NFIX: variants seen among roughly 807,000 people sequenced by gnomAD.
NFIX encodes nuclear factor I X.
In NFIX, 2 loss-of-function variants were observed where a neutral mutation model predicts 53.3. That is an observed-to-expected ratio of 0.04 (90% CI 0.02 to 0.12). The LOEUF (loss-of-function observed/expected upper bound fraction) is 0.12, where lower values mean the gene tolerates loss of function less well. Among genes scored for constraint, NFIX ranks in the 10% least tolerant of loss-of-function variants. The pLI, the probability that NFIX is intolerant of heterozygous loss-of-function variation, is 1.00. For synonymous variants in NFIX, 244 were observed against 289.0 expected (o/e 0.84, Z 1.58); for missense variants, 310 against 674.5 (o/e 0.46, Z 5.99).
At position 13,093,490 on chromosome 19, in the gene NFIX, C is replaced by T. The variant is rs1267708843; in HGVS notation, c.1495-1145C>T. ...CTGGCCACCACAGACCCTGCTTCCT[C>T]GTGCTCGCAGCACAGGCAGCAGTTA... On this transcript the variant is annotated intron_variant, in intron 10 of 10. Transcript: ENST00000592199. The surrounding 1 kb of genome is among the most constrained non-coding windows in gnomAD (Gnocchi z 4.7). 6.6e-6 allele frequency among the ~76,000 whole-genome samples: 1 copy of T among 152,224 alleles called. No individual in the cohort carries two copies. Among genetic ancestry groups the T allele is most frequent in the Non-Finnish European group, 1.5e-5 (1 of 68,036 alleles).
intron 8 of NFIX, among the ~76,000 whole-genome samples, chr19:13,084,190 C>G (rs1454008525): frequency 6.6e-6 from 1 of 152,172 alleles, no homozygotes; most frequent in Non-Finnish European, 1.5e-5. Flanking sequence ...ACCTGTAATC[C>G]TAGCACTTTG....
At position 13,021,323 on chromosome 19, in the gene NFIX, C is replaced by G. The variant is rs1390727939; in HGVS notation, c.28-3698C>G. Among the ~76,000 whole-genome samples the G allele has an allele frequency of 6.6e-6, 1 of 152,164 alleles. No homozygotes were observed. Among genetic ancestry groups the G allele is most frequent in the Non-Finnish European group, 1.5e-5 (1 of 68,016 alleles). On this transcript the variant is annotated intron_variant, in intron 1 of 10. Transcript: ENST00000592199. This position sits in a 1 kb window ranked among gnomAD's most constrained non-coding sequence, Gnocchi z 4.2. The stretch of plus-strand genomic sequence containing the variant: ...GTTTCTTTCAGGGATCAGCCATGAG[C>G]TCAGTTCACTTGAGATGGATAATTC...
At chr19:13,063,036 T>C (rs75460821) in intron 2 of NFIX, among the ~76,000 whole-genome samples, 10,181 of 152,060 alleles carry the variant, frequency 0.067, 448 homozygotes, top group Non-Finnish European at 0.11. Flanking sequence ...AAGGGAACAG[T>C]GGAGGGAGGC....
chr19:13,023,958 G>A (rs1416402955), intron 1 of NFIX: 15 of 211,658 alleles, frequency 7.1e-5, no homozygotes, highest in Admixed American at 1.2e-4. Context: ...CCCCCCACCC[G>A]CCCCCAACTC....
At position 12,996,142 on chromosome 19, in the gene NFIX, C is replaced by CGT. The variant is rs3046151; in HGVS notation, c.27+306_27+307dup. Reference sequence around the variant, plus strand: ...TGGAGCGCAGGCGGGAGTGCGTGTACGTGTGTGTGTGTGTGTGTGTGTGTG... The same window carrying CGT: ...TGGAGCGCAGGCGGGAGTGCGTGTACGTGTGTGTGTGTGTGTGTGTGTGTGTG... On this transcript the variant is annotated intron_variant, in intron 1 of 10. Coordinates refer to ENST00000592199, the MANE Select transcript of NFIX (RefSeq NM_001365902.3). This position sits in a 1 kb window ranked among gnomAD's most constrained non-coding sequence, Gnocchi z 5.2. 0.025 allele frequency among the ~76,000 whole-genome samples: 3,644 copies of CGT among 145,748 alleles called. 77 individuals are homozygous for CGT. Among genetic ancestry groups the CGT allele is most frequent in the African/African-American group, 0.06 (2,390 of 39,924 alleles).
In NFIX at chr19:12,999,531, C is replaced by G. The variant is rs531902358; in HGVS notation, c.27+3667C>G. 5.9e-5 allele frequency among the ~76,000 whole-genome samples: 9 copies of G among 152,136 alleles called. No homozygotes were observed. In the East Asian group the frequency reaches 1.7e-3, roughly 29 times the overall value. ...ACACACACACAAATATGCACCAATG[C>G]GTGCTTCCCCCTCCTTGCCACAGGG... On this transcript the variant is annotated intron_variant, in intron 1 of 10. Transcript: ENST00000592199.
intron 2 of NFIX, among the ~76,000 whole-genome samples, chr19:13,046,798 G>A (rs1377930361): frequency 6.6e-6 from 1 of 152,210 alleles, no homozygotes; most frequent in Non-Finnish European, 1.5e-5. Context: ...GGAAGAAGAA[G>A]GGAGGAGAGA....
At chr19:13,029,512 A>G (rs2013630357) in intron 2 of NFIX, among the ~76,000 whole-genome samples, 1 of 151,880 alleles carries the variant, frequency 6.6e-6, no homozygotes, top group Non-Finnish European at 1.5e-5. Context: ...CCTCTTCCTT[A>G]GTCTTGGTTT....
chr19:13,088,018 G>A lies in NFIX; in HGVS notation c.1284G>A (p.Pro428=), dbSNP rs761114067. The part of the protein sequence containing the change: ...QPNGSGQGKV[P]GSFLLPPPPP... ...ACGGTAGCGGCCAGGGCAAAGTCCCGGGGTCATTTTTGCTACCGCCGCCGC... is the reference window on the plus strand; with the variant it reads ...ACGGTAGCGGCCAGGGCAAAGTCCCAGGGTCATTTTTGCTACCGCCGCCGC... Residue 428 remains proline, a synonymous_variant, in exon 9 of 11, where the codon CCG becomes CCA. Coordinates refer to ENST00000592199, the MANE Select transcript of NFIX (RefSeq NM_001365902.3). This position sits in a 1 kb window ranked among gnomAD's most constrained non-coding sequence, Gnocchi z 5.9. 344 of 1,536,044 alleles carry A rather than the reference G, an allele frequency of 2.2e-4. 3 individuals carry two copies. Among genetic ancestry groups the A allele is most frequent in the South Asian group, 2.1e-4 (18 of 84,052 alleles).
Position 13,061,493 on chromosome 19 carries a change from G to A in NFIX, c.560-11554G>A, listed in dbSNP as rs934525172. Among the ~76,000 whole-genome samples the A allele has an allele frequency of 3.3e-5, 5 of 152,210 alleles. No individual in the cohort carries two copies. The South Asian group carries it at 1.0e-3, about 32-fold the overall frequency. On this transcript the variant is annotated intron_variant, in intron 2 of 10. Coordinates refer to ENST00000592199, the MANE Select transcript of NFIX (RefSeq NM_001365902.3). Reference sequence around the variant, plus strand: ...CCCTGGAGCTCTGGGCCGGTCGCTGGCCGCGCCCCGCCGCAGCCCTCGGAG... The same window carrying A: ...CCCTGGAGCTCTGGGCCGGTCGCTGACCGCGCCCCGCCGCAGCCCTCGGAG...
Position 13,090,884 on chromosome 19 carries a change from G to A in NFIX, c.1494+494G>A, listed in dbSNP as rs956537505. On this transcript the variant is annotated intron_variant, in intron 10 of 10. Coordinates refer to ENST00000592199, the MANE Select transcript of NFIX (RefSeq NM_001365902.3). The surrounding 1 kb of genome is among the most constrained non-coding windows in gnomAD (Gnocchi z 6.6). ...CACTGAGGGCAGGGCAGGGCAGGCC[G>A]CCACCCTAGAGGCCCCTCACCCAAG... Among the ~76,000 whole-genome samples the A allele has an allele frequency of 2.0e-5, 3 of 152,170 alleles. No individual in the cohort carries two copies. Among genetic ancestry groups the A allele is most frequent in the African/African-American group, 2.4e-5 (1 of 41,436 alleles).
intron 1 of NFIX, among the ~76,000 whole-genome samples, chr19:13,019,047 A>AT (rs1383683260): frequency 6.6e-6 from 1 of 152,048 alleles, no homozygotes; most frequent in Non-Finnish European, 1.5e-5. Context: ...CCAGATCAAC[A>AT]TGGGCCCAAG....
chr19:13,061,274 A>C (rs1017197903), intron 2 of NFIX, among the ~76,000 whole-genome samples: 4 of 152,180 alleles, frequency 2.6e-5, no homozygotes, highest in African/African-American at 9.7e-5. Context: ...ATGCACCGCA[A>C]GCTGTTCCTA....
In NFIX at chr19:13,037,582, T is replaced by C. The variant is rs1468947271; in HGVS notation, c.559+12030T>C. ...GAACTAGTCTTCATAGCCCTGAGCA[T>C]AGAGGAGGAAATTTGCCTTTGGCAG... On this transcript the variant is annotated intron_variant, in intron 2 of 10. Coordinates refer to ENST00000592199, the MANE Select transcript of NFIX (RefSeq NM_001365902.3). The surrounding 1 kb of genome is among the most constrained non-coding windows in gnomAD (Gnocchi z 4.2). Among the ~76,000 whole-genome samples, 1 of 152,044 alleles carries C rather than the reference T, an allele frequency of 6.6e-6. No individual in the cohort carries two copies. Among genetic ancestry groups the C allele is most frequent in the East Asian group, 1.9e-4 (1 of 5,182 alleles).
chr19:13,008,799 C>G (rs945052875), intron 1 of NFIX, among the ~76,000 whole-genome samples: 9 of 152,204 alleles, frequency 5.9e-5, no homozygotes, highest in Non-Finnish European at 1.2e-4. Context: ...GGTACTTGAG[C>G]TGACACAGTA....
chr19:13,072,707 G>A lies in NFIX; in HGVS notation c.560-340G>A, dbSNP rs2016840058. Among the ~76,000 whole-genome samples the A allele has an allele frequency of 6.6e-6, 1 of 152,216 alleles. No homozygotes were observed. Among genetic ancestry groups the A allele is most frequent in the Non-Finnish European group, 1.5e-5 (1 of 68,030 alleles). ...TGGACAATGTCTTGGGACAGTTTGGGTTGTCACAACTGGGGTGCTACTGTC... is the reference window on the plus strand; with the variant it reads ...TGGACAATGTCTTGGGACAGTTTGGATTGTCACAACTGGGGTGCTACTGTC... On this transcript the variant is annotated intron_variant, in intron 2 of 10. Transcript: ENST00000592199. This position sits in a 1 kb window ranked among gnomAD's most constrained non-coding sequence, Gnocchi z 4.0.
Position 13,022,098 on chromosome 19 carries a change from G to A in NFIX, c.28-2923G>A, listed in dbSNP as rs750592774. ...GCCTGTGCAGTGGTGAGGGGCGTTG[G>A]TCAGATTCCTTGCCTCTGCTCAGAG... is the stretch of plus-strand genomic sequence containing the variant. On this transcript the variant is annotated intron_variant, in intron 1 of 10. Coordinates refer to ENST00000592199, the MANE Select transcript of NFIX (RefSeq NM_001365902.3). This position sits in a 1 kb window ranked among gnomAD's most constrained non-coding sequence, Gnocchi z 4.5. 5.3e-5 allele frequency among the ~76,000 whole-genome samples: 8 copies of A among 152,146 alleles called. No individual in the cohort carries two copies. The highest frequency in any genetic ancestry group is 8.8e-5 in the Non-Finnish European group (6 of 68,032).
At position 13,012,802 on chromosome 19, in the gene NFIX, C is replaced by T. The variant is rs891969579; in HGVS notation, c.28-12219C>T. Reference sequence around the variant, plus strand: ...TTGGGGGCGTCCCTTCGGAGAGGATCTCTCCGCGTCGCATAGTGAGCGTCG... The same window carrying T: ...TTGGGGGCGTCCCTTCGGAGAGGATTTCTCCGCGTCGCATAGTGAGCGTCG... On this transcript the variant is annotated intron_variant, in intron 1 of 10. Transcript: ENST00000592199. The surrounding 1 kb of genome is among the most constrained non-coding windows in gnomAD (Gnocchi z 5.0). 2.0e-5 allele frequency among the ~76,000 whole-genome samples: 3 copies of T among 152,188 alleles called. No homozygotes were observed. The highest frequency in any genetic ancestry group is 3.9e-4 in the East Asian group (2 of 5,190).
At chr19:13,069,956 C>G (rs2145416157) in intron 2 of NFIX, 2 of 152,442 alleles carry the variant, frequency 1.3e-5, no homozygotes, top group Middle Eastern at 3.4e-3. Context: ...ATCCCCTCCC[C>G]CGGGGAAGCC....
Sources: allele counts gnomAD v4.1 joint callset (sites outside exome capture counted in the v4.1 genomes callset), GRCh38; gene constraint gnomAD v4.1.1; non-coding constraint Gnocchi (gnomAD v3.1); transcripts MANE v1.5; gene names NCBI Gene and HGNC (gene_info 2026-07-23, HGNC 2026-07-21).